Variants in SLC35F3 observed in about 807,000 individuals in gnomAD.
The protein encoded by SLC35F3 is solute carrier family 35 member F3, also known as putative thiamine transporter SLC35F3.
In SLC35F3, 25 loss-of-function variants were observed where a neutral mutation model predicts 49.9. The ratio of observed to expected loss-of-function variants is 0.50; its 90% CI spans 0.37 to 0.70. SLC35F3 has a LOEUF of 0.70. Ranked by LOEUF, SLC35F3 falls within the 30% of genes least tolerant of loss-of-function variation. The pLI, the probability that SLC35F3 is intolerant of heterozygous loss-of-function variation, is 0.00. For missense variants in SLC35F3, 525 were observed against 639.8 expected (o/e 0.82, Z 1.94); for synonymous variants, 275 against 265.4 (o/e 1.04, Z -0.35).
At chr1:234,071,012 A>G (rs1664705402) in intron 2 of SLC35F3, among the ~76,000 whole-genome samples, 2 of 152,220 alleles carry the variant, frequency 1.3e-5, no homozygotes, top group Non-Finnish European at 1.5e-5. Flanking sequence ...GCCTCCAGGC[A>G]GCCGACAGAG....
chr1:234,231,759 G>C lies in SLC35F3; in HGVS notation c.608+18G>C. On this transcript the variant is annotated intron_variant, in intron 3 of 7. Coordinates refer to ENST00000366618, the MANE Select transcript of SLC35F3 (RefSeq NM_173508.4). The surrounding 1 kb of genome is among the most constrained non-coding windows in gnomAD (Gnocchi z 5.4). ...CGATACAGGTAGGCGCGTCCTGCAT[G>C]AGGAGGCCTCCTGACCCCGGGCTGC... is the stretch of plus-strand genomic sequence containing the variant. 6.3e-7 allele frequency: 1 copy of C among 1,579,058 alleles called. No homozygotes were observed. Among genetic ancestry groups the C allele is most frequent in the South Asian group, 1.2e-5 (1 of 84,708 alleles).
intron 2 of SLC35F3, among the ~76,000 whole-genome samples, chr1:234,048,045 C>A (rs1161965843): frequency 2.0e-5 from 3 of 152,084 alleles, no homozygotes; most frequent in African/African-American, 4.8e-5. Context: ...AAGATGATTC[C>A]TCTTATAAAG....
At chr1:234,140,001 A>AAATAAAATAAAAT (rs1489476462) in intron 2 of SLC35F3, among the ~76,000 whole-genome samples, 1 of 142,218 alleles carries the variant, frequency 7.0e-6, no homozygotes, top group Non-Finnish European at 1.6e-5. Context: ...AAATAAAATA[A>AAATAAAATAAAAT]AGTAAGTGAC....
chr1:233,960,762 C>T (rs762903914), intron 2 of SLC35F3, among the ~76,000 whole-genome samples: 1 of 152,198 alleles, frequency 6.6e-6, no homozygotes, highest in African/African-American at 2.4e-5. Context: ...CCAGCATTCC[C>T]CCTTGGAAGG....
chr1:234,214,444 C>G lies in SLC35F3; in HGVS notation c.284-16973C>G. On this transcript the variant is annotated intron_variant, in intron 2 of 7. Transcript: ENST00000366618. This position sits in a 1 kb window ranked among gnomAD's most constrained non-coding sequence, Gnocchi z 8.0. ...GGGCCCGGGAGAGACGCGCTCCAGCCGGCCCCAGGATGTAGGCGATCGGCG... is the reference window on the plus strand; with the variant it reads ...GGGCCCGGGAGAGACGCGCTCCAGCGGGCCCCAGGATGTAGGCGATCGGCG... 3 of 1,491,566 alleles carry G rather than the reference C, an allele frequency of 2.0e-6. No homozygotes were observed. The highest frequency in any genetic ancestry group is 2.7e-6 in the Non-Finnish European group (3 of 1,119,016). 92.4% of individuals were successfully genotyped at this position (1,491,566 alleles called of 1,614,324 possible).
chr1:234,073,036 A>G (rs1442165348), intron 2 of SLC35F3, among the ~76,000 whole-genome samples: 1 of 152,204 alleles, frequency 6.6e-6, no homozygotes, highest in East Asian at 1.9e-4. Context: ...GTGGCTGCAG[A>G]GGCAGTACAA....
At chr1:234,191,312 A>G (rs1265819743) in intron 2 of SLC35F3, among the ~76,000 whole-genome samples, 1 of 152,212 alleles carries the variant, frequency 6.6e-6, no homozygotes, top group African/African-American at 2.4e-5. Context: ...AACCATGCAA[A>G]TATATGAAAA....
intron 2 of SLC35F3, among the ~76,000 whole-genome samples, chr1:234,031,745 G>T (rs1664066051): frequency 6.6e-6 from 1 of 152,102 alleles, no homozygotes; most frequent in East Asian, 1.9e-4. Context: ...TTCTACACTA[G>T]TCATATCCTG....
chr1:233,951,309 G>C (rs1662604497), intron 2 of SLC35F3, among the ~76,000 whole-genome samples: 1 of 151,912 alleles, frequency 6.6e-6, no homozygotes, highest in South Asian at 2.1e-4. Flanking sequence ...TAAGTGTACA[G>C]TGTTTATAAA....
intron 2 of SLC35F3, among the ~76,000 whole-genome samples, chr1:234,019,998 C>T (rs913912319): frequency 2.0e-5 from 3 of 152,068 alleles, no homozygotes; most frequent in African/African-American, 7.2e-5. Flanking sequence ...ACTGTTGATC[C>T]AGGAGGTGCT....
At chr1:234,108,514 ATATATAT>A (rs1486454089) in intron 2 of SLC35F3, among the ~76,000 whole-genome samples, 33 of 111,332 alleles carry the variant, frequency 3.0e-4, no homozygotes, top group African/African-American at 1.1e-3. Flanking sequence ...TATATAAATG[ATATATAT>A]TATTTATATA....
chr1:234,045,906 A>G (rs1664284396), intron 2 of SLC35F3, among the ~76,000 whole-genome samples: 1 of 152,124 alleles, frequency 6.6e-6, no homozygotes. Context: ...ACAAAACTGG[A>G]GTACCATTTA....
At chr1:233,939,384 G>GC (rs1662386200) in intron 2 of SLC35F3, among the ~76,000 whole-genome samples, 1 of 152,170 alleles carries the variant, frequency 6.6e-6, no homozygotes, top group Non-Finnish European at 1.5e-5. Context: ...GAGCCCAGGA[G>GC]ATTGAGGCTG....
At chr1:234,237,717 A>G (rs952709875) in intron 3 of SLC35F3, among the ~76,000 whole-genome samples, 3 of 152,200 alleles carry the variant, frequency 2.0e-5, no homozygotes, top group Admixed American at 6.5e-5. Context: ...TCGTTCCACA[A>G]AATCTTTCCA....
In SLC35F3 at chr1:234,169,803, T is replaced by C. The variant is rs143463940; in HGVS notation, c.284-61614T>C. Among the ~76,000 whole-genome samples, 57 of 152,308 alleles carry C rather than the reference T, an allele frequency of 3.7e-4. No individual in the cohort carries two copies. In the East Asian group the frequency reaches 0.01, roughly 27 times the overall value. On this transcript the variant is annotated intron_variant, in intron 2 of 7. Transcript: ENST00000366618. ...TTGTTTTTGAGTTGGAGTCTCACTCTGTCTCCCAGGCTGGAGTGCAGTAGT... is the reference window on the plus strand; with the variant it reads ...TTGTTTTTGAGTTGGAGTCTCACTCCGTCTCCCAGGCTGGAGTGCAGTAGT...
intron 2 of SLC35F3, among the ~76,000 whole-genome samples, chr1:234,007,039 C>T (rs1663640799): frequency 6.6e-6 from 1 of 152,032 alleles, no homozygotes; most frequent in South Asian, 2.1e-4. Flanking sequence ...CCGAAACAGC[C>T]ATTGATAACT....
chr1:233,939,366 G>A lies in SLC35F3; in HGVS notation c.283+33608G>A, dbSNP rs142765340. ...GCTACTCAGGAGCCTGAGGTGAGAG[G>A]ATCACTTGAGCCCAGGAGATTGAGG... is the stretch of plus-strand genomic sequence containing the variant. On this transcript the variant is annotated intron_variant, in intron 2 of 7. Transcript: ENST00000366618. Among the ~76,000 whole-genome samples, 489 of 152,194 alleles carry A rather than the reference G, an allele frequency of 3.2e-3. 2 individuals are homozygous for A. Among genetic ancestry groups the A allele is most frequent in the African/African-American group, 0.011 (445 of 41,528 alleles).
At chr1:234,175,623 A>G (rs1324115128) in intron 2 of SLC35F3, among the ~76,000 whole-genome samples, 3 of 143,784 alleles carry the variant, frequency 2.1e-5, no homozygotes, top group Non-Finnish European at 4.5e-5. Context: ...TGATTGCACC[A>G]CTGCACTCCA....
At chr1:234,057,708 G>C (rs916023629) in intron 2 of SLC35F3, among the ~76,000 whole-genome samples, 1 of 151,970 alleles carries the variant, frequency 6.6e-6, no homozygotes, top group Non-Finnish European at 1.5e-5. Flanking sequence ...AGATATCTGT[G>C]TCTTTCTTTA....
Sources: gnomAD v4.1 joint callset for allele counts (sites outside exome capture counted in the v4.1 genomes callset) on GRCh38, gnomAD v4.1.1 for gene constraint, Gnocchi (gnomAD v3.1) non-coding constraint, MANE v1.5 for transcripts, NCBI Gene and HGNC (gene_info 2026-07-23, HGNC 2026-07-21) for gene names.